ZNF554: variants seen among roughly 807,000 people sequenced by gnomAD.
ZNF554 encodes the protein zinc finger protein 554.
Under a neutral mutation model 21.2 loss-of-function variants are expected in ZNF554, and 15 were observed. The ratio of observed to expected loss-of-function variants is 0.71; its 90% CI spans 0.47 to 1.09. The LOEUF is 1.09. Ranked by LOEUF, ZNF554 falls within the 50% of genes least tolerant of loss-of-function variation. The pLI is 0.00. For missense variants in ZNF554, 691 were observed against 662.7 expected (o/e 1.04, Z -0.47); for synonymous variants, 258 against 251.4 (o/e 1.03, Z -0.25).
chr19:2,833,004 C>T (rs1268321551), intron 4 of ZNF554, among the ~76,000 whole-genome samples: 1 of 97,428 alleles, frequency 1.0e-5, no homozygotes, highest in Non-Finnish European at 2.2e-5. Flanking sequence ...ACTCCTGGCC[C>T]CATTTTCTTC....
chr19:2,820,237 TCCC>T, intron 1 of ZNF554, 113 bp downstream of exon 1: 2 of 1,010,568 alleles, frequency 2.0e-6, no homozygotes, highest in Non-Finnish European at 2.5e-6. Flanking sequence ...CGCGATAGGG[TCCC>T]CACGGGAGGG....
chr19:2,834,427 C>T lies in ZNF554; in HGVS notation c.1192C>T (p.His398Tyr), dbSNP rs1287675625. ...AFNRISSLTQ[H>Y]QRIHTGEKPY... ...CAACAGGATCTCATCGCTGACTCAG[C>T]ATCAGAGGATTCACACCGGGGAAAA... The change falls in exon 5 of 5, where the codon CAT (histidine) becomes TAT (tyrosine). Residue 398 changes from histidine (H) to tyrosine (Y), a missense_variant. His to Tyr is a moderately conservative substitution (Grantham distance 83, BLOSUM62 2). Coordinates refer to ENST00000317243, the MANE Select transcript of ZNF554 (RefSeq NM_001102651.2). 1 of 1,613,994 alleles carries T rather than the reference C, an allele frequency of 6.2e-7. No homozygotes were observed. The highest frequency in any genetic ancestry group is 8.5e-7 in the Non-Finnish European group (1 of 1,180,010).
intron 2 of ZNF554, among the ~76,000 whole-genome samples, chr19:2,825,633 G>A (rs2087321925): frequency 6.6e-6 from 1 of 152,148 alleles, no homozygotes; most frequent in Non-Finnish European, 1.5e-5. Flanking sequence ...GGGTGTCACT[G>A]TGTTGCTCAG....
chr19:2,820,966 G>A (rs1020864760), intron 1 of ZNF554, among the ~76,000 whole-genome samples: 1 of 151,214 alleles, frequency 6.6e-6, no homozygotes, highest in African/African-American at 2.4e-5. Flanking sequence ...GCAGCTGCAA[G>A]GGTCTATTCT....
rs569646393 is a variant in ZNF554 at position 2,833,599 on chromosome 19, G to A, written c.446-82G>A. Reference sequence around the variant, plus strand: ...ATCAGTCCGCACAGGCCTTGTAGATGTCAGAAGGACTTCTGTCCCGCTGGT... The same window carrying A: ...ATCAGTCCGCACAGGCCTTGTAGATATCAGAAGGACTTCTGTCCCGCTGGT... On this transcript the variant is annotated intron_variant, in intron 4 of 4. Transcript: ENST00000317243. The A allele has an allele frequency of 1.7e-5, 21 of 1,209,776 alleles. No homozygotes were observed. The African/African-American group carries it at 2.7e-4, about 16-fold the overall frequency. 74.9% of individuals were successfully genotyped at this position (1,209,776 alleles called of 1,614,324 possible).
chr19:2,830,796 T>C (rs2087405221), intron 3 of ZNF554: 1 of 149,262 alleles, frequency 6.7e-6, no homozygotes, highest in Non-Finnish European at 1.5e-5. Context: ...GGAGTTTCGC[T>C]CTCGTTGCCC....
rs1318034087 is a variant in ZNF554 at position 2,827,710 on chromosome 19, A to G, written c.220A>G (p.Met74Val). 2 of 1,613,968 alleles carry G rather than the reference A, an allele frequency of 1.2e-6. No homozygotes were observed. Among genetic ancestry groups the G allele is most frequent in the South Asian group, 2.2e-5 (2 of 91,040 alleles). ...TCAGAAGAACCTGTACAGAGAGGTG[A>G]TGCTGGAGAACTACAGGAACGTGGT... Reference protein sequence around the residue: ...PAQKNLYREVMLENYRNVVSL... With the variant: ...PAQKNLYREVVLENYRNVVSL... The change falls in exon 3 of 5, where the codon ATG becomes GTG. Residue 74 changes from methionine (M) to valine (V), a missense_variant. By Grantham distance (21) the Met-to-Val change is conservative. Coordinates refer to ENST00000317243, the MANE Select transcript of ZNF554 (RefSeq NM_001102651.2).
At chr19:2,823,260 T>A in intron 2 of ZNF554, 148 bp downstream of exon 2, 1 of 685,220 alleles carries the variant, frequency 1.5e-6, no homozygotes, top group Non-Finnish European at 2.4e-6. Context: ...GAGGTACTCC[T>A]GCTGCTCCCA....
Position 2,834,672 on chromosome 19 carries a change from T to C in ZNF554, c.1437T>C (p.Leu479=). 6.2e-7 allele frequency: 1 copy of C among 1,613,732 alleles called. No homozygotes were observed. The highest frequency in any genetic ancestry group is 2.2e-5 in the East Asian group (1 of 44,828). The part of the protein sequence containing the change: ...CGRAFSQRSS[L]VRHERTHTGE... ...GAGCCTTCAGCCAGAGGTCTTCCCT[T>C]GTGAGGCACGAGAGAACTCACACTG... Residue 479 remains leucine, a synonymous_variant, in exon 5 of 5, where the codon CTT becomes CTC. Coordinates refer to ENST00000317243, the MANE Select transcript of ZNF554 (RefSeq NM_001102651.2).
At chr19:2,825,571 C>T (rs2087320747) in intron 2 of ZNF554, among the ~76,000 whole-genome samples, 1 of 152,170 alleles carries the variant, frequency 6.6e-6, no homozygotes, top group African/African-American at 2.4e-5. Context: ...GGATTATAGG[C>T]ACATCCTGGA....
In ZNF554 at chr19:2,819,915, C is replaced by A. The variant is rs939020794; in HGVS notation, c.-157C>A. 2.3e-6 allele frequency: 1 copy of A among 439,444 alleles called. No individual in the cohort carries two copies. The highest frequency in any genetic ancestry group is 3.5e-6 in the Non-Finnish European group (1 of 285,372). The allele number at this position is 439,444 out of a possible 1,614,324, so 27.2% of individuals were successfully genotyped here. On this transcript the variant is annotated 5_prime_UTR_variant, in exon 1 of 5. Transcript: ENST00000317243. ...GCGTCGGGGTTGGTGGCGGCGGCTG[C>A]GGCGAGTTCCTGAGGGGCGCCTGCG...
chr19:2,823,156 A>T (rs779902901), intron 2 of ZNF554, 44 bp downstream of exon 2: 4 of 1,578,660 alleles, frequency 2.5e-6, no homozygotes, highest in Non-Finnish European at 3.5e-6. Flanking sequence ...GTATATCCAG[A>T]GGGAACAATC....
In ZNF554 at chr19:2,821,589, T is replaced by C. The variant is rs1568331162; in HGVS notation, c.54-1451T>C. ...GTGGCCTGCCATAGTTGGTGTCCCT[T>C]GGCTTGGGGCCACATCACTCCAAGC... On this transcript the variant is annotated intron_variant, in intron 1 of 4. Coordinates refer to ENST00000317243, the MANE Select transcript of ZNF554 (RefSeq NM_001102651.2). This position sits in a 1 kb window ranked among gnomAD's most constrained non-coding sequence, Gnocchi z 8.2. Among the ~76,000 whole-genome samples, 1 of 151,976 alleles carries C rather than the reference T, an allele frequency of 6.6e-6. No homozygotes were observed. Among genetic ancestry groups the C allele is most frequent in the Non-Finnish European group, 1.5e-5 (1 of 68,028 alleles).
In ZNF554 at chr19:2,834,735, C is replaced by A. The variant is rs1295352780; in HGVS notation, c.1500C>A (p.Ala500=). 1 of 1,614,110 alleles carries A rather than the reference C, an allele frequency of 6.2e-7. No homozygotes were observed. Among genetic ancestry groups the A allele is most frequent in the Non-Finnish European group, 8.5e-7 (1 of 1,179,984 alleles). ...KPYRCQECGK[A]FSQSSSLVTH... ...ACAGGTGTCAGGAATGTGGGAAAGCCTTCAGCCAGAGCTCATCCCTTGTCA... is the reference window on the plus strand; with the variant it reads ...ACAGGTGTCAGGAATGTGGGAAAGCATTCAGCCAGAGCTCATCCCTTGTCA... Residue 500 remains alanine (A), a synonymous_variant, in exon 5 of 5, where the codon GCC becomes GCA. Coordinates refer to ENST00000317243, the MANE Select transcript of ZNF554 (RefSeq NM_001102651.2).
intron 3 of ZNF554, among the ~76,000 whole-genome samples, chr19:2,828,811 G>A (rs1192387439): frequency 6.6e-6 from 1 of 152,072 alleles, no homozygotes; most frequent in Non-Finnish European, 1.5e-5. Context: ...AGAGAGGGAA[G>A]AGAGCAGGGG....
chr19:2,825,418 T>A (rs1475979687), intron 2 of ZNF554, among the ~76,000 whole-genome samples: 1 of 152,096 alleles, frequency 6.6e-6, no homozygotes, highest in East Asian at 1.9e-4. Flanking sequence ...TTCAAGCGAT[T>A]CTCCTGCCTC....
chr19:2,827,181 T>G (rs1433419133), intron 2 of ZNF554, among the ~76,000 whole-genome samples: 2 of 152,214 alleles, frequency 1.3e-5, no homozygotes, highest in East Asian at 3.8e-4. Context: ...TTGGATAAAA[T>G]TCTTCTTTCC....
chr19:2,827,839 TG>T, intron 3 of ZNF554, 96 bp downstream of exon 3: 2 of 1,475,452 alleles, frequency 1.4e-6, no homozygotes, highest in Non-Finnish European at 1.8e-6. Flanking sequence ...TACCCAAGAC[TG>T]GGTAATTTGT....
intron 2 of ZNF554, among the ~76,000 whole-genome samples, chr19:2,825,003 G>GTTTT (rs140025750): frequency 2.0e-5 from 2 of 97,702 alleles, no homozygotes; most frequent in Non-Finnish European, 2.0e-5. Flanking sequence ...GATTGCAGTT[G>GTTTT]TTTTTTTTTT....
Sources: allele counts gnomAD v4.1 joint callset (sites outside exome capture counted in the v4.1 genomes callset), GRCh38; gene constraint gnomAD v4.1.1; non-coding constraint Gnocchi (gnomAD v3.1); transcripts MANE v1.5; gene names NCBI Gene and HGNC (gene_info 2026-07-23, HGNC 2026-07-21).